CST8: variants seen among roughly 807,000 people sequenced by gnomAD.
CST8 encodes the protein cystatin-8.
CST8 carries 20 observed loss-of-function variants against 11.8 expected under a neutral mutation model. The observed-to-expected ratio is 1.70, with a 90% CI of 1.20 to 2.47. CST8 has a LOEUF of 2.47. Ranked by LOEUF, CST8 falls within the 30% of genes most tolerant of loss-of-function variation. The probability of loss-of-function intolerance (pLI) is 0.00; values close to 1 mark genes in which losing one functional copy is unlikely to be tolerated. For missense variants in CST8, 196 were observed against 167.2 expected (o/e 1.17, Z -0.95); for synonymous variants, 77 against 63.1 (o/e 1.22, Z -1.05).
the CST8 span, among the ~76,000 whole-genome samples, chr20:23,505,705 C>T: frequency 6.6e-6 from 1 of 152,282 alleles, no homozygotes; most frequent in East Asian, 1.9e-4. Flanking sequence ...GAGATGTCCT[C>T]CATTAGACTT....
Position 23,495,885 on chromosome 20 carries a change from G to A in CST8, c.400G>A (p.Val134Met). The change falls in exon 4 of 4, where the codon GTG (valine) becomes ATG (methionine). Residue 134 changes from valine to methionine, a missense_variant. By Grantham distance (21) the Val-to-Met change is conservative. Coordinates refer to ENST00000246012, the MANE Select transcript of CST8 (RefSeq NM_005492.4). ...GALPWNGEFT[V>M]MEKKCEDA Reference sequence around the variant, plus strand: ...ACTTCCCTGGAATGGTGAATTCACTGTGATGGAGAAAAAGTGTGAAGATGC... The same window carrying A: ...ACTTCCCTGGAATGGTGAATTCACTATGATGGAGAAAAAGTGTGAAGATGC... 1 of 1,610,930 alleles carries A rather than the reference G, an allele frequency of 6.2e-7. No homozygotes were observed. The highest frequency in any genetic ancestry group is 1.1e-5 in the South Asian group (1 of 90,456).
chr20:23,494,731 A>C (rs1461255064), intron 3 of CST8, among the ~76,000 whole-genome samples: 1 of 152,224 alleles, frequency 6.6e-6, no homozygotes, highest in Non-Finnish European at 1.5e-5. Context: ...TTGAAAGAAA[A>C]GCAGAGTTCT....
chr20:23,502,332 G>T, the CST8 span, among the ~76,000 whole-genome samples: 1 of 152,204 alleles, frequency 6.6e-6, no homozygotes, highest in Admixed American at 6.5e-5. Context: ...AGCATGGTGG[G>T]GGTATGTGCT....
At chr20:23,497,206 T>A (rs1988068562), downstream of CST8, among the ~76,000 whole-genome samples, 1 of 152,234 alleles carries the variant, frequency 6.6e-6, no homozygotes, top group Admixed American at 6.5e-5. Context: ...TATAACAGTA[T>A]TAATTTGGGG....
chr20:23,495,747 C>T (rs1156412417), intron 3 of CST8, 84 bp from the exon 4 acceptor site: 2 of 1,069,544 alleles, frequency 1.9e-6, no homozygotes, highest in South Asian at 2.7e-5. Context: ...AAACTGACAC[C>T]TAGCAACAGG....
chr20:23,501,025 A>C, the CST8 span, among the ~76,000 whole-genome samples: 1 of 151,908 alleles, frequency 6.6e-6, no homozygotes, highest in Non-Finnish European at 1.5e-5. Context: ...CCTCTGTTTG[A>C]CTCGGTCTTT....
At chr20:23,497,243 A>G (rs1254637741), downstream of CST8, among the ~76,000 whole-genome samples, 1 of 152,250 alleles carries the variant, frequency 6.6e-6, no homozygotes, top group South Asian at 2.1e-4. Flanking sequence ...TGAAATCTTC[A>G]CAATTTATGT....
the CST8 span, among the ~76,000 whole-genome samples, chr20:23,503,861 A>G: frequency 6.6e-6 from 1 of 152,120 alleles, no homozygotes; most frequent in African/African-American, 2.4e-5. Context: ...GGGAGTGCCC[A>G]CCTGTGCCAG....
At chr20:23,492,410 G>A (rs937313848) in intron 2 of CST8, among the ~76,000 whole-genome samples, 2 of 152,212 alleles carry the variant, frequency 1.3e-5, no homozygotes, top group Admixed American at 6.5e-5. Flanking sequence ...ACTCAGCAGA[G>A]AACAAGACAG....
intron 2 of CST8, among the ~76,000 whole-genome samples, chr20:23,492,105 C>T (rs1172962635): frequency 6.6e-6 from 1 of 152,224 alleles, no homozygotes; most frequent in Non-Finnish European, 1.5e-5. Flanking sequence ...GTTCTAAGTC[C>T]TTCGCATAGA....
chr20:23,493,102 C>T (rs1363196419), intron 3 of CST8, 31 bp downstream of exon 3: 1 of 1,287,938 alleles, frequency 7.8e-7, no homozygotes. Context: ...CTGTGACGGC[C>T]TAGGCAGCTC....
downstream of CST8, among the ~76,000 whole-genome samples, chr20:23,500,514 T>C (rs980955937): frequency 6.6e-6 from 1 of 152,106 alleles, no homozygotes; most frequent in Non-Finnish European, 1.5e-5. Flanking sequence ...CCTGGTGGAA[T>C]GGGAGGCAAG....
At chr20:23,493,884 G>A (rs1032065387) in intron 3 of CST8, among the ~76,000 whole-genome samples, 1 of 152,204 alleles carries the variant, frequency 6.6e-6, no homozygotes, top group Non-Finnish European at 1.5e-5. Context: ...TCCACCGGCA[G>A]AGTTTCCAAT....
the CST8 span, among the ~76,000 whole-genome samples, chr20:23,502,560 A>G: frequency 1.3e-5 from 2 of 152,232 alleles, no homozygotes; most frequent in South Asian, 2.1e-4. Context: ...CCTGCTGCAC[A>G]TAAGATGATG....
chr20:23,492,541 G>A lies in CST8; in HGVS notation c.232-417G>A, dbSNP rs139630460. 9.3e-3 allele frequency among the ~76,000 whole-genome samples: 1,415 copies of A among 152,326 alleles called. 9 individuals are homozygous for A. The highest frequency in any genetic ancestry group is 0.015 in the Non-Finnish European group (1,022 of 68,036). On this transcript the variant is annotated intron_variant, in intron 2 of 3. Coordinates refer to ENST00000246012, the MANE Select transcript of CST8 (RefSeq NM_005492.4). ...GGAATCTGAGGGACTGGGGCCTAAT[G>A]TGGCTGAGGGGGCTGTCCCCTGGTC...
At chr20:23,496,605 G>A (rs540547286), downstream of CST8, among the ~76,000 whole-genome samples, 1 of 152,336 alleles carries the variant, frequency 6.6e-6, no homozygotes, top group East Asian at 1.9e-4. Context: ...TCAGGAGACA[G>A]GGTTTGAGAG....
chr20:23,506,291 C>T, the CST8 span, among the ~76,000 whole-genome samples: 67,627 of 151,954 alleles, frequency 0.45, 16,761 homozygotes, highest in African/African-American at 0.67. Flanking sequence ...CCAACACAGA[C>T]ATGGTGAGGG....
chr20:23,494,551 C>T (rs560328258), intron 3 of CST8, among the ~76,000 whole-genome samples: 6 of 152,146 alleles, frequency 3.9e-5, no homozygotes, highest in African/African-American at 1.4e-4. Flanking sequence ...ACTTTGTCTG[C>T]CTCTTAACTC....
intron 2 of CST8, 119 bp downstream of exon 2, chr20:23,492,017 C>T (rs1322827822): frequency 2.7e-6 from 2 of 737,772 alleles, no homozygotes; most frequent in Non-Finnish European, 4.6e-6. Context: ...TATGTGAATG[C>T]TTAAGAGCCT....
Sources: allele counts gnomAD v4.1 joint callset (sites outside exome capture counted in the v4.1 genomes callset), GRCh38; gene constraint gnomAD v4.1.1; transcripts MANE v1.5; gene names NCBI Gene and HGNC (gene_info 2026-07-23, HGNC 2026-07-21).